PRKCA: variants seen among roughly 807,000 people sequenced by gnomAD.
The protein encoded by PRKCA is protein kinase C alpha type.
PRKCA carries 27 observed loss-of-function variants against 87.0 expected under a neutral mutation model. The ratio of observed to expected loss-of-function variants is 0.31; its 90% CI spans 0.23 to 0.43. The LOEUF (loss-of-function observed/expected upper bound fraction) is 0.43. Among genes scored for constraint, PRKCA ranks in the 20% least tolerant of loss-of-function variants. The probability of loss-of-function intolerance (pLI) is 1.00; values close to 1 mark genes in which losing one functional copy is unlikely to be tolerated. For missense variants in PRKCA, 518 were observed against 852.3 expected, an observed-to-expected ratio of 0.61 and a Z score of 4.88; for synonymous variants, 329 against 311.1, an observed-to-expected ratio of 1.06 and a Z score of -0.61.
At chr17:66,693,569 C>G (rs1039175862) in intron 8 of PRKCA, among the ~76,000 whole-genome samples, 1 of 152,176 alleles carries the variant, frequency 6.6e-6, no homozygotes, top group Non-Finnish European at 1.5e-5. Context: ...TTGAGGACAA[C>G]TGAGATTCCT....
chr17:66,731,452 C>T lies in PRKCA; in HGVS notation c.919-1236C>T, dbSNP rs905819159. Among the ~76,000 whole-genome samples the T allele has an allele frequency of 1.2e-4, 19 of 152,038 alleles. No homozygotes were observed. The East Asian group carries it at 3.1e-3, about 25-fold the overall frequency. ...TCTAGCCAGGGACCAGGGTCCTGGACCTGTCAGCAGCTGACGCTTCTTACA... is the reference window on the plus strand; with the variant it reads ...TCTAGCCAGGGACCAGGGTCCTGGATCTGTCAGCAGCTGACGCTTCTTACA... On this transcript the variant is annotated intron_variant, in intron 8 of 16. Transcript: ENST00000413366.
chr17:66,377,256 C>T (rs1909475466), intron 2 of PRKCA, among the ~76,000 whole-genome samples: 1 of 151,924 alleles, frequency 6.6e-6, no homozygotes, highest in African/African-American at 2.4e-5. Context: ...AACTCTTGAC[C>T]TCAGGTGATC....
chr17:66,581,632 C>A (rs369326656), intron 3 of PRKCA, among the ~76,000 whole-genome samples: 1 of 152,036 alleles, frequency 6.6e-6, no homozygotes, highest in South Asian at 2.1e-4. Context: ...CCCGCCACCA[C>A]GCCTGGCTAA....
At chr17:66,469,833 G>A (rs1345948490) in intron 2 of PRKCA, among the ~76,000 whole-genome samples, 1 of 152,150 alleles carries the variant, frequency 6.6e-6, no homozygotes, top group Non-Finnish European at 1.5e-5. Flanking sequence ...AACTTTGGAA[G>A]TAAATCAGAA....
chr17:66,348,481 G>T (rs1333760702), intron 2 of PRKCA, among the ~76,000 whole-genome samples: 1 of 152,162 alleles, frequency 6.6e-6, no homozygotes, highest in African/African-American at 2.4e-5. Context: ...TATCATTAAA[G>T]TGGTTTGATC....
chr17:66,645,979 G>A (rs906689285), intron 5 of PRKCA, among the ~76,000 whole-genome samples: 2 of 152,332 alleles, frequency 1.3e-5, no homozygotes, highest in African/African-American at 4.8e-5. Context: ...TGCTTCCTCT[G>A]TGTTAGGTAT....
intron 3 of PRKCA, among the ~76,000 whole-genome samples, chr17:66,542,640 C>T (rs904301420): frequency 6.6e-6 from 1 of 151,966 alleles, no homozygotes; most frequent in Non-Finnish European, 1.5e-5. Context: ...GACTGATAGT[C>T]GGAAGGGATT....
rs8072601 is a variant in PRKCA at position 66,478,518 on chromosome 17, T to C, written c.206-17683T>C. Among the ~76,000 whole-genome samples the C allele has an allele frequency of 5.6e-3, 849 of 152,256 alleles. 6 individuals carry two copies. The highest frequency in any genetic ancestry group is 0.019 in the African/African-American group (799 of 41,562). On this transcript the variant is annotated intron_variant, in intron 2 of 16. Coordinates refer to ENST00000413366, the MANE Select transcript of PRKCA (RefSeq NM_002737.3). ...ATCCACCCACCTTGGCCTTCTGAAG[T>C]GTTGGGATTACAGGCATGGACCACC...
chr17:66,663,255 A>C (rs1292089417), intron 5 of PRKCA, among the ~76,000 whole-genome samples: 1 of 152,206 alleles, frequency 6.6e-6, no homozygotes, highest in Non-Finnish European at 1.5e-5. Flanking sequence ...GGTTGGTGTC[A>C]CTGGACGTCG....
chr17:66,461,953 C>A (rs1288517126), intron 2 of PRKCA, among the ~76,000 whole-genome samples: 1 of 149,476 alleles, frequency 6.7e-6, no homozygotes, highest in Non-Finnish European at 1.5e-5. Flanking sequence ...TTCCTAACTA[C>A]CGAGCATGCT....
At chr17:66,453,618 C>T (rs1914438337) in intron 2 of PRKCA, among the ~76,000 whole-genome samples, 1 of 152,082 alleles carries the variant, frequency 6.6e-6, no homozygotes, top group Admixed American at 6.6e-5. Context: ...GCGCCCAGCC[C>T]CCCTGATCTT....
intron 14 of PRKCA, among the ~76,000 whole-genome samples, chr17:66,783,013 A>C (rs1294659448): frequency 6.6e-6 from 1 of 152,200 alleles, no homozygotes; most frequent in Non-Finnish European, 1.5e-5. Context: ...TCCTACCCTC[A>C]TGCCCACGAT....
intron 3 of PRKCA, among the ~76,000 whole-genome samples, chr17:66,517,017 G>T (rs192806621): frequency 6.6e-6 from 1 of 152,326 alleles, no homozygotes; most frequent in Non-Finnish European, 1.5e-5. Flanking sequence ...ATTGGCCGGT[G>T]GTTCACGCCT....
At chr17:66,568,768 G>A (rs1370134554) in intron 3 of PRKCA, among the ~76,000 whole-genome samples, 1 of 152,086 alleles carries the variant, frequency 6.6e-6, no homozygotes, top group Non-Finnish European at 1.5e-5. Flanking sequence ...AATTTTGTGG[G>A]ACTCAATGAA....
chr17:66,739,014 C>A lies in PRKCA; in HGVS notation c.1322+159C>A, dbSNP rs538928370. On this transcript the variant is annotated intron_variant, in intron 11 of 16. Coordinates refer to ENST00000413366, the MANE Select transcript of PRKCA (RefSeq NM_002737.3). The stretch of plus-strand genomic sequence containing the variant: ...TCTCCCACCTCAGCCTCCTGAGTAG[C>A]TGGGACTACAGGCACACACCACCAT... Among the ~76,000 whole-genome samples the A allele has an allele frequency of 3.3e-5, 5 of 152,304 alleles. 1 individual carries two copies. In the East Asian group the frequency reaches 9.6e-4, roughly 29 times the overall value.
intron 2 of PRKCA, among the ~76,000 whole-genome samples, chr17:66,466,441 T>C (rs1305970639): frequency 6.6e-6 from 1 of 152,148 alleles, no homozygotes; most frequent in African/African-American, 2.4e-5. Context: ...GGAACTTGCT[T>C]GTGGAGCTGA....
chr17:66,583,589 T>TAA (rs1231108225), intron 3 of PRKCA, among the ~76,000 whole-genome samples: 2 of 129,928 alleles, frequency 1.5e-5, no homozygotes, highest in African/African-American at 6.7e-5. Context: ...TTTAGTTAAA[T>TAA]GAACCAAAAA....
chr17:66,339,357 C>T (rs1469441473), intron 2 of PRKCA, among the ~76,000 whole-genome samples: 3 of 152,076 alleles, frequency 2.0e-5, no homozygotes, highest in Admixed American at 6.5e-5. Flanking sequence ...AGTGGCTCAA[C>T]GGGGAAATGA....
chr17:66,560,885 C>A (rs940616982), intron 3 of PRKCA, among the ~76,000 whole-genome samples: 13 of 152,190 alleles, frequency 8.5e-5, no homozygotes, highest in African/African-American at 3.1e-4. Context: ...CCACCCTTGC[C>A]TTTGGGAAAC....
Sources: gnomAD v4.1 joint callset for allele counts (sites outside exome capture counted in the v4.1 genomes callset) on GRCh38, gnomAD v4.1.1 for gene constraint, MANE v1.5 for transcripts, NCBI Gene and HGNC (gene_info 2026-07-23, HGNC 2026-07-21) for gene names.